ISG20: variants seen among roughly 807,000 people sequenced by gnomAD.
ISG20 encodes interferon stimulated exonuclease gene 20.
A neutral mutation model predicts 11.1 loss-of-function variants in ISG20; 8 were observed. That is an observed-to-expected ratio of 0.72 (90% CI 0.42 to 1.30). ISG20 has a LOEUF of 1.30. Among genes scored for constraint, ISG20 ranks in the 50% most tolerant of loss-of-function variants. The pLI is 0.01. For missense variants in ISG20, 243 were observed against 250.2 expected, an observed-to-expected ratio of 0.97 and a Z score of 0.19; for synonymous variants, 110 against 101.7, an observed-to-expected ratio of 1.08 and a Z score of -0.49.
upstream of ISG20, among the ~76,000 whole-genome samples, chr15:88,637,970 CA>C (rs2058012214): frequency 6.6e-6 from 1 of 152,196 alleles, no homozygotes; most frequent in Admixed American, 6.5e-5. Flanking sequence ...ATCCAGTGAA[CA>C]GTAAGCAGGA....
chr15:88,638,377 G>A (rs2141385041), upstream of ISG20, among the ~76,000 whole-genome samples: 1 of 152,264 alleles, frequency 6.6e-6, no homozygotes, highest in East Asian at 1.9e-4. Flanking sequence ...ACCCAAGGAA[G>A]TGTGGCCGGG....
chr15:88,651,664 A>T, intron 2 of ISG20: 7 of 498,256 alleles, frequency 1.4e-5, no homozygotes, highest in Non-Finnish European at 1.9e-5. Flanking sequence ...TTAGCAATCT[A>T]AGTTCTGCCC....
intron 2 of ISG20, among the ~76,000 whole-genome samples, chr15:88,644,397 G>A (rs1319150121): frequency 6.6e-6 from 1 of 151,954 alleles, no homozygotes; most frequent in Non-Finnish European, 1.5e-5. Flanking sequence ...GCTGGGCATG[G>A]TGGCATGTGC....
Position 88,652,282 on chromosome 15 carries a change from G to A in ISG20, c.401G>A (p.Ser134Asn), listed in dbSNP as rs1404761656. 1 of 1,613,554 alleles carries A rather than the reference G, an allele frequency of 6.2e-7. No homozygotes were observed. Among genetic ancestry groups the A allele is most frequent in the Non-Finnish European group, 8.5e-7 (1 of 1,179,830 alleles). ...HCRRVSLRVL[S>N]ERLLHKSIQN... Reference sequence around the variant, plus strand: ...AGGCGTGTCTCCCTGCGGGTGCTGAGTGAGCGCCTCCTACACAAGAGCATC... The same window carrying A: ...AGGCGTGTCTCCCTGCGGGTGCTGAATGAGCGCCTCCTACACAAGAGCATC... Residue 134 changes from serine (S) to asparagine (N), a missense_variant, in exon 3 of 4, where the codon AGT becomes AAT. Transcript: ENST00000306072.
rs765333580 is a variant in ISG20, at chr15:88,639,638, C to G, written c.228+44C>G. The G allele has an allele frequency of 2.0e-6, 3 of 1,479,914 alleles. No homozygotes were observed. The highest frequency in any genetic ancestry group is 1.7e-4 in the Middle Eastern group (1 of 5,794). 91.7% of individuals were successfully genotyped at this position (1,479,914 alleles called of 1,614,324 possible). A position where few individuals can be genotyped will look rare whatever the true frequency, so the allele number is the denominator to read the frequency against. The stretch of plus-strand genomic sequence containing the variant: ...AGCAGGGGCTTTGGAAATAACCCCT[C>G]TCCCACTTCCCTGGCCCCTCTTCCC... On this transcript the variant is annotated intron_variant, in intron 2 of 3. Coordinates refer to ENST00000306072, the MANE Select transcript of ISG20 (RefSeq NM_002201.6). The surrounding 1 kb of genome is among the most constrained non-coding windows in gnomAD (Gnocchi z 4.2).
chr15:88,652,097 T>A lies in ISG20; in HGVS notation c.229-13T>A. On this transcript the variant is annotated splice_polypyrimidine_tract_variant and intron_variant, in intron 2 of 3. Coordinates refer to ENST00000306072, the MANE Select transcript of ISG20 (RefSeq NM_002201.6). ...TGGGTCATGTAGGGGTGGGCACATG[T>A]CTTCCTGGCCAGATCCTGCAGCTCC... 1 of 1,613,884 alleles carries A rather than the reference T, an allele frequency of 6.2e-7. No individual in the cohort carries two copies. The highest frequency in any genetic ancestry group is 1.3e-5 in the African/African-American group (1 of 75,000).
chr15:88,654,477 G>A (rs1596064486), intron 3 of ISG20, among the ~76,000 whole-genome samples: 1 of 152,324 alleles, frequency 6.6e-6, no homozygotes, highest in East Asian at 1.9e-4. Context: ...GTGAGAACAG[G>A]AAGTCCTCTC....
In ISG20 at chr15:88,639,438, C is replaced by T; in HGVS notation, c.72C>T (p.Gly24=). ...GGCTGGGGCCCCACCGGGAGAGTGG[C>T]CTGGCTCGTTGCAGCCTCGTGAACG... ...MVGLGPHRES[G]LARCSLVNVH... Residue 24 remains glycine (G), a synonymous_variant, in exon 2 of 4, where the codon GGC becomes GGT. Transcript: ENST00000306072. This position sits in a 1 kb window ranked among gnomAD's most constrained non-coding sequence, Gnocchi z 4.2. 1 of 1,614,130 alleles carries T rather than the reference C, an allele frequency of 6.2e-7. No individual in the cohort carries two copies. Among genetic ancestry groups the T allele is most frequent in the Non-Finnish European group, 8.5e-7 (1 of 1,180,010 alleles).
intron 3 of ISG20, among the ~76,000 whole-genome samples, chr15:88,653,223 A>T (rs2141407364): frequency 6.6e-6 from 1 of 152,230 alleles, no homozygotes; most frequent in Middle Eastern, 3.4e-3. Context: ...CCTTAACCAG[A>T]TCATCAGCAC....
At chr15:88,651,611 A>C (rs752073364) in intron 2 of ISG20, 2 of 220,282 alleles carry the variant, frequency 9.1e-6, no homozygotes, top group Non-Finnish European at 1.6e-5. Context: ...TGTTGGGACC[A>C]CATGGGTAGG....
In ISG20 at chr15:88,650,457, A is replaced by G; in HGVS notation, c.229-1653A>G. The G allele has an allele frequency of 7.6e-6, 11 of 1,456,216 alleles. No individual in the cohort carries two copies. The highest frequency in any genetic ancestry group is 9.9e-6 in the Non-Finnish European group (11 of 1,108,086). The allele number at this position is 1,456,216 out of a possible 1,614,324, so 90.2% of individuals were successfully genotyped here. ...GCTCTGGATTCATCCCACTGGCTTC[A>G]AGGCCTGGCTTTGCCACTAACTAGC... On this transcript the variant is annotated intron_variant, in intron 2 of 3. Transcript: ENST00000306072. This position sits in a 1 kb window ranked among gnomAD's most constrained non-coding sequence, Gnocchi z 4.0.
rs1216518899 is a variant in ISG20, at chr15:88,643,212, GTAAGAGAGACCCTGTC to G, written c.228+3620_228+3635del. Among the ~76,000 whole-genome samples the G allele has an allele frequency of 6.6e-6, 1 of 151,928 alleles. No homozygotes were observed. Among genetic ancestry groups the G allele is most frequent in the African/African-American group, 2.4e-5 (1 of 41,368 alleles). ...ATCATGCCACTGCACTGCAGCCTGGGTAAGAGAGACCCTGTCTCTATTAAAAAATAATAATAATTAA... is the reference window on the plus strand; with the variant it reads ...ATCATGCCACTGCACTGCAGCCTGGGTCTATTAAAAAATAATAATAATTAA... On this transcript the variant is annotated intron_variant, in intron 2 of 3. Transcript: ENST00000306072. This position sits in a 1 kb window ranked among gnomAD's most constrained non-coding sequence, Gnocchi z 4.4.
In ISG20 at chr15:88,639,221, T is replaced by C; in HGVS notation, c.-24-122T>C. Reference sequence around the variant, plus strand: ...GGAGGCAAGAGGCCAGCTTCCACTGTGGCCAGGTGGTGTCGGAAACAAAGG... The same window carrying C: ...GGAGGCAAGAGGCCAGCTTCCACTGCGGCCAGGTGGTGTCGGAAACAAAGG... On this transcript the variant is annotated intron_variant, in intron 1 of 3. Coordinates refer to ENST00000306072, the MANE Select transcript of ISG20 (RefSeq NM_002201.6). The surrounding 1 kb of genome is among the most constrained non-coding windows in gnomAD (Gnocchi z 4.2). 3.2e-6 allele frequency: 2 copies of C among 633,374 alleles called. No homozygotes were observed. The highest frequency in any genetic ancestry group is 5.5e-6 in the Non-Finnish European group (2 of 365,238). 39.2% of individuals were successfully genotyped at this position (633,374 alleles called of 1,614,324 possible).
At chr15:88,638,546 C>A (rs923080936), upstream of ISG20, among the ~76,000 whole-genome samples, 2 of 152,194 alleles carry the variant, frequency 1.3e-5, no homozygotes, top group Non-Finnish European at 2.9e-5. Flanking sequence ...GCTAGCCACT[C>A]CCACCACAAG....
At chr15:88,655,340 A>T (rs1300516248) in intron 3 of ISG20, 75 bp from the exon 4 acceptor site, 5 of 1,345,362 alleles carry the variant, frequency 3.7e-6, no homozygotes, top group Non-Finnish European at 5.3e-6. Context: ...TCGGGATGTG[A>T]CCAGGGAAGA....
chr15:88,636,124 G>A (rs1273619394), upstream of ISG20: 3 of 152,272 alleles, frequency 2.0e-5, no homozygotes, highest in Non-Finnish European at 4.4e-5. Context: ...GATCCAGAGA[G>A]GGCCACAGAG....
chr15:88,635,896 A>G (rs1387218081), upstream of ISG20, among the ~76,000 whole-genome samples: 1 of 152,192 alleles, frequency 6.6e-6, no homozygotes, highest in African/African-American at 2.4e-5. Flanking sequence ...AAAATTTCCA[A>G]TATATTTATT....
chr15:88,653,674 C>T (rs1333319605), intron 3 of ISG20, among the ~76,000 whole-genome samples: 2 of 152,144 alleles, frequency 1.3e-5, no homozygotes, highest in Non-Finnish European at 2.9e-5. Context: ...CACCAGGCAG[C>T]TCCTGCCTGC....
intron 3 of ISG20, among the ~76,000 whole-genome samples, chr15:88,654,707 TGGG>T (rs1490302509): frequency 2.6e-5 from 4 of 152,126 alleles, no homozygotes; most frequent in African/African-American, 4.8e-5. Flanking sequence ...ATCAGTAAAA[TGGG>T]GGAATAATCA....
Sources: allele counts gnomAD v4.1 joint callset (sites outside exome capture counted in the v4.1 genomes callset), GRCh38; gene constraint gnomAD v4.1.1; non-coding constraint Gnocchi (gnomAD v3.1); transcripts MANE v1.5; gene names NCBI Gene and HGNC (gene_info 2026-07-23, HGNC 2026-07-21).